The following HCK variants were observed in gnomAD, a reference collection of about 807,000 sequenced individuals.
HCK encodes HCK proto-oncogene, Src family tyrosine kinase, also known as tyrosine-protein kinase HCK.
A neutral mutation model predicts 70.4 loss-of-function variants in HCK; 40 were observed. The observed-to-expected ratio is 0.57, with a 90% CI of 0.44 to 0.74. The LOEUF (loss-of-function observed/expected upper bound fraction) is 0.74, where lower values mean the gene tolerates loss of function less well. Among genes scored for constraint, HCK ranks in the 30% least tolerant of loss-of-function variants. HCK has a pLI of 0.00. For missense variants in HCK, 568 were observed against 697.2 expected (o/e 0.81, Z 2.09); for synonymous variants, 245 against 263.2 (o/e 0.93, Z 0.67).
Position 32,101,561 on chromosome 20 carries a change from G to A in HCK, c.*42G>A. ...AGGGCCAGGGGGTGCCCAGGTGGTG[G>A]CTGCAAGGTGGCTCCAGCACCATCC... On this transcript the variant is annotated 3_prime_UTR_variant, in exon 13 of 13. Transcript: ENST00000375852. The A allele has an allele frequency of 1.3e-6, 2 of 1,545,158 alleles. No homozygotes were observed. The highest frequency in any genetic ancestry group is 1.4e-5 in the African/African-American group (1 of 73,946).
At chr20:32,098,933 C>A (rs2045993647) in intron 11 of HCK, 71 bp from the exon 12 acceptor site, 1 of 1,547,430 alleles carries the variant, frequency 6.5e-7, no homozygotes, top group Non-Finnish European at 8.8e-7. Context: ...CTTGCCTGTT[C>A]CCCCACCTTA....
intron 10 of HCK, among the ~76,000 whole-genome samples, chr20:32,093,234 C>T (rs907173098): frequency 2.0e-5 from 3 of 152,308 alleles, no homozygotes; most frequent in Non-Finnish European, 2.9e-5. Context: ...TGTAAGCCAC[C>T]ATGCCCGGCC....
chr20:32,079,032 A>T (rs1269234886), intron 5 of HCK, among the ~76,000 whole-genome samples: 1 of 152,170 alleles, frequency 6.6e-6, no homozygotes, highest in Non-Finnish European at 1.5e-5. Flanking sequence ...TGGCAGAGCC[A>T]AGGCAGGCTG....
At chr20:32,056,902 C>CA (rs886967763) in intron 1 of HCK, among the ~76,000 whole-genome samples, 24 of 152,086 alleles carry the variant, frequency 1.6e-4, no homozygotes, top group Admixed American at 4.6e-4. Flanking sequence ...AGTAGGGCCT[C>CA]AAAAAAACAC....
At position 32,086,647 on chromosome 20, in the gene HCK, C is replaced by T. The variant is rs1702065912; in HGVS notation, c.855C>T (p.Thr285=). 6.2e-7 allele frequency: 1 copy of T among 1,612,182 alleles called. No homozygotes were observed. The highest frequency in any genetic ancestry group is 1.3e-5 in the African/African-American group (1 of 74,938). Reference sequence around the variant, plus strand: ...CTCCAGCCACCTACAACAAGCACACCAAGGTGGCAGTGAAGACGATGAAGC... The same window carrying T: ...CTCCAGCCACCTACAACAAGCACACTAAGGTGGCAGTGAAGACGATGAAGC... The change falls in exon 9 of 13, where the codon ACC becomes ACT. Residue 285 remains threonine (T), a synonymous_variant. Transcript: ENST00000375852.
chr20:32,086,794 G>T lies in HCK; in HGVS notation c.1002G>T (p.Glu334Asp). 6.3e-7 allele frequency: 1 copy of T among 1,582,120 alleles called. No homozygotes were observed. Among genetic ancestry groups the T allele is most frequent in the Non-Finnish European group, 8.6e-7 (1 of 1,163,544 alleles). The stretch of plus-strand genomic sequence containing the variant: ...AGGAGCCCATCTACATCATCACGGA[G>T]TTCATGGCCAAAGGTGCTGCGTGCT... Residue 334 changes from glutamate to aspartate, a missense_variant, in exon 9 of 13, where the codon GAG (glutamate) becomes GAT (aspartate). Around this residue, in one of 4 missense-constraint regions of HCK, gnomAD observed 160 missense variants for 237.5 expected, o/e 0.67. Transcript: ENST00000375852.
chr20:32,101,420 G>A lies in HCK; in HGVS notation c.1482G>A (p.Trp494Ter). The A allele has an allele frequency of 6.2e-7, 1 of 1,614,202 alleles. No homozygotes were observed. The highest frequency in any genetic ancestry group is 8.5e-7 in the Non-Finnish European group (1 of 1,180,032). The change falls in exon 13 of 13, where the codon TGG (tryptophan) becomes TGA (stop). Residue 494 changes from tryptophan to a stop codon, truncating the protein, a stop_gained. Coordinates refer to ENST00000375852, the MANE Select transcript of HCK (RefSeq NM_002110.5). LOFTEE classifies it high-confidence loss of function. ...TCTACAACATCATGATGCGCTGCTGGAAAAACCGTCCGGAGGAGCGGCCGA... is the reference window on the plus strand; with the variant it reads ...TCTACAACATCATGATGCGCTGCTGAAAAAACCGTCCGGAGGAGCGGCCGA...
chr20:32,096,360 G>A (rs1038870658), intron 11 of HCK, among the ~76,000 whole-genome samples: 4 of 151,892 alleles, frequency 2.6e-5, no homozygotes, highest in Non-Finnish European at 4.4e-5. Flanking sequence ...AGCTGGGCGT[G>A]GTGGCAGGTG....
At chr20:32,084,358 G>T (rs1420653925) in intron 7 of HCK, 33 bp from the exon 8 acceptor site, 1 of 1,591,658 alleles carries the variant, frequency 6.3e-7, no homozygotes, top group Admixed American at 1.7e-5. Context: ...CTCGGTGCTT[G>T]TTGCTCTCAA....
At chr20:32,082,297 G>A (rs1218468458) in intron 6 of HCK, among the ~76,000 whole-genome samples, 4 of 151,830 alleles carry the variant, frequency 2.6e-5, no homozygotes, top group South Asian at 2.1e-4. Flanking sequence ...GTTCATCTAC[G>A]CAGAGTGCTT....
intron 9 of HCK, among the ~76,000 whole-genome samples, chr20:32,088,312 G>A (rs2045817731): frequency 6.6e-6 from 1 of 152,138 alleles, no homozygotes. Context: ...CCAGTCCTGT[G>A]AAGGCATGAT....
intron 5 of HCK, among the ~76,000 whole-genome samples, chr20:32,078,387 A>G (rs1422779724): frequency 6.6e-6 from 1 of 151,908 alleles, no homozygotes; most frequent in East Asian, 1.9e-4. Context: ...ATATTTTACC[A>G]TGGCACAAGT....
intron 5 of HCK, among the ~76,000 whole-genome samples, chr20:32,079,099 G>A (rs2045671786): frequency 6.6e-6 from 1 of 152,206 alleles, no homozygotes; most frequent in Non-Finnish European, 1.5e-5. Flanking sequence ...GGTGGGAATG[G>A]ATTCCACTGC....
rs186439907 is a variant in HCK at position 32,068,753 on chromosome 20, C to G, written c.63-2909C>G. Among the ~76,000 whole-genome samples, 164 of 151,924 alleles carry G rather than the reference C, an allele frequency of 1.1e-3. 1 individual carries two copies. The highest frequency in any genetic ancestry group is 1.9e-3 in the Non-Finnish European group (126 of 67,968). ...GAGCAACATTGTGAGACCTGCCCCC[C>G]CTCTCTGCCCCCTGTCTCTACAGAA... On this transcript the variant is annotated intron_variant, in intron 1 of 12. Transcript: ENST00000375852.
intron 1 of HCK, among the ~76,000 whole-genome samples, chr20:32,060,408 A>T (rs1043003434): frequency 6.6e-6 from 1 of 152,110 alleles, no homozygotes; most frequent in African/African-American, 2.4e-5. Context: ...TTTGGTTGAG[A>T]CAGGGTTTCA....
chr20:32,090,170 A>G (rs2045845213), intron 10 of HCK, among the ~76,000 whole-genome samples: 1 of 152,248 alleles, frequency 6.6e-6, no homozygotes, highest in South Asian at 2.1e-4. Flanking sequence ...GTCTGTTGCT[A>G]AATTATCATC....
chr20:32,092,531 GT>G (rs2045878394), intron 10 of HCK, among the ~76,000 whole-genome samples: 1 of 152,170 alleles, frequency 6.6e-6, no homozygotes, highest in Non-Finnish European at 1.5e-5. Flanking sequence ...CACGCAGTCT[GT>G]TAGTCACTCA....
chr20:32,078,579 A>C (rs1162035675), intron 5 of HCK, among the ~76,000 whole-genome samples: 1 of 151,718 alleles, frequency 6.6e-6, no homozygotes, highest in Non-Finnish European at 1.5e-5. Context: ...AAATGGGGCC[A>C]GGAGCAGTGG....
chr20:32,055,345 C>G (rs375053312), intron 1 of HCK, among the ~76,000 whole-genome samples: 46 of 152,296 alleles, frequency 3.0e-4, no homozygotes, highest in African/African-American at 1.1e-3. Flanking sequence ...ACTCACTATG[C>G]CTGGCACTTA....
Sources: gnomAD v4.1 joint callset for allele counts (sites outside exome capture counted in the v4.1 genomes callset) on GRCh38, gnomAD v4.1.1 for gene constraint, gnomAD v4.1.1 regional missense constraint, MANE v1.5 for transcripts, NCBI Gene and HGNC (gene_info 2026-07-23, HGNC 2026-07-21) for gene names.